Variants in KCNQ3 observed in about 807,000 individuals in gnomAD.
KCNQ3 encodes the protein potassium voltage-gated channel subfamily Q member 3.
A neutral mutation model predicts 92.5 loss-of-function variants in KCNQ3; 30 were observed. The observed-to-expected ratio is 0.32, with a 90% CI of 0.24 to 0.44. The LOEUF (loss-of-function observed/expected upper bound fraction) is 0.44, where lower values mean the gene tolerates loss of function less well. KCNQ3 is among the 20% of genes least tolerant of loss of function. The pLI is 1.00. For missense variants in KCNQ3, 913 were observed against 1,140.3 expected, an observed-to-expected ratio of 0.80 and a Z score of 2.87; for synonymous variants, 450 against 468.8, an observed-to-expected ratio of 0.96 and a Z score of 0.52.
At chr8:132,271,479 T>C (rs1194576195) in intron 1 of KCNQ3, among the ~76,000 whole-genome samples, 3 of 152,238 alleles carry the variant, frequency 2.0e-5, no homozygotes, top group East Asian at 1.9e-4. Flanking sequence ...CTTGTTTCCA[T>C]AGTAGCCTTG....
chr8:132,228,279 T>TTAAGCAAATG (rs1369919343), intron 1 of KCNQ3, among the ~76,000 whole-genome samples: 28 of 152,302 alleles, frequency 1.8e-4, no homozygotes, highest in African/African-American at 6.3e-4. Context: ...GACAAATGAA[T>TTAAGCAAATG]AATTGTATTA....
At chr8:132,337,815 A>C (rs530835185) in intron 1 of KCNQ3, among the ~76,000 whole-genome samples, 45 of 152,352 alleles carry the variant, frequency 3.0e-4, no homozygotes, top group African/African-American at 1.0e-3. Context: ...ATATTGCCCC[A>C]AAAACCTTTT....
intron 1 of KCNQ3, among the ~76,000 whole-genome samples, chr8:132,207,516 C>T (rs1338181591): frequency 6.6e-6 from 1 of 152,196 alleles, no homozygotes; most frequent in African/African-American, 2.4e-5. Flanking sequence ...CATTTACCTT[C>T]TCCACCTCCA....
Position 132,300,138 on chromosome 8 carries a change from A to G in KCNQ3, c.387-113957T>C, listed in dbSNP as rs577368539. Among the ~76,000 whole-genome samples, 9 of 152,370 alleles carry G rather than the reference A, an allele frequency of 5.9e-5. No individual in the cohort carries two copies. The South Asian group carries it at 1.9e-3, about 32-fold the overall frequency. On this transcript the variant is annotated intron_variant, in intron 1 of 14. Coordinates refer to ENST00000388996, the MANE Select transcript of KCNQ3 (RefSeq NM_004519.4). ...AGTCAATAAACTGAGGCCTACTGCA[A>G]TGACAGGTGAATTGAAAGAATGTGC...
intron 1 of KCNQ3, among the ~76,000 whole-genome samples, chr8:132,423,206 G>A (rs1821018749): frequency 6.6e-6 from 1 of 152,198 alleles, no homozygotes; most frequent in Non-Finnish European, 1.5e-5. Flanking sequence ...GGACACAGCA[G>A]CTTCCAAGAC....
intron 1 of KCNQ3, among the ~76,000 whole-genome samples, chr8:132,362,962 G>A (rs1344025418): frequency 6.6e-6 from 1 of 152,150 alleles, no homozygotes; most frequent in Non-Finnish European, 1.5e-5. Flanking sequence ...AGAGGCAAGA[G>A]GTAGTAAGTC....
rs1824653326 is a variant in KCNQ3, at chr8:132,126,051, A to G, written c.*3211T>C. The stretch of plus-strand genomic sequence containing the variant: ...TCTAATTCATTTTGATCTTGCTAAA[A>G]TATGACCTTTAAAATTTTTCATGTC... On this transcript the variant is annotated 3_prime_UTR_variant, in exon 15 of 15. Transcript: ENST00000388996. The G allele has an allele frequency of 6.6e-6, 1 of 152,220 alleles. No individual in the cohort carries two copies. Among genetic ancestry groups the G allele is most frequent in the East Asian group, 1.9e-4 (1 of 5,200 alleles). 9.4% of individuals were successfully genotyped at this position (152,220 alleles called of 1,614,324 possible).
chr8:132,325,273 A>G (rs949028743), intron 1 of KCNQ3, among the ~76,000 whole-genome samples: 1 of 152,098 alleles, frequency 6.6e-6, no homozygotes, highest in African/African-American at 2.4e-5. Flanking sequence ...GATGCAGGAG[A>G]GAGAAGTGTG....
chr8:132,156,533 C>A (rs765801231), intron 9 of KCNQ3, among the ~76,000 whole-genome samples: 2 of 152,064 alleles, frequency 1.3e-5, no homozygotes, highest in Non-Finnish European at 2.9e-5. Context: ...AATCTCAGCC[C>A]CTGTGTGAGT....
At position 132,140,092 on chromosome 8, in the gene KCNQ3, C is replaced by T. The variant is rs745463637; in HGVS notation, c.1552G>A (p.Ala518Thr). ...GGGCATTACCTGACGGCTCGGATGGCGGCCTTCAGGGTGGGGATCATGTCT... is the reference window on the plus strand; with the variant it reads ...GGGCATTACCTGACGGCTCGGATGGTGGCCTTCAGGGTGGGGATCATGTCT... ...IEDMIPTLKA[A>T]IRAVRILQFR... Residue 518 changes from alanine (A) to threonine (T), a missense_variant, in exon 11 of 15, where the codon GCC becomes ACC. By Grantham distance (58) the Ala-to-Thr change is moderately conservative. Transcript: ENST00000388996. 18 of 1,598,488 alleles carry T rather than the reference C, an allele frequency of 1.1e-5. No individual in the cohort carries two copies. Among genetic ancestry groups the T allele is most frequent in the South Asian group, 3.4e-5 (3 of 87,970 alleles).
At chr8:132,455,888 C>T (rs969418337) in intron 1 of KCNQ3, among the ~76,000 whole-genome samples, 2 of 151,954 alleles carry the variant, frequency 1.3e-5, no homozygotes, top group Admixed American at 6.6e-5. Context: ...ACTACAGGCA[C>T]CCACCACCAA....
At chr8:132,465,417 A>G (rs1822149349) in intron 1 of KCNQ3, among the ~76,000 whole-genome samples, 1 of 134,846 alleles carries the variant, frequency 7.4e-6, no homozygotes, top group Admixed American at 7.4e-5. Flanking sequence ...CCTCTACAAA[A>G]AACAATTTTA....
chr8:132,158,524 C>T (rs532129324), intron 9 of KCNQ3, among the ~76,000 whole-genome samples: 7 of 152,234 alleles, frequency 4.6e-5, no homozygotes, highest in East Asian at 1.9e-4. Flanking sequence ...GAGAACAGAA[C>T]GAGCAAAAGG....
chr8:132,323,827 G>A (rs1286906006), intron 1 of KCNQ3, among the ~76,000 whole-genome samples: 2 of 152,088 alleles, frequency 1.3e-5, no homozygotes, highest in African/African-American at 4.8e-5. Context: ...TCCTGCAGAA[G>A]TAGTCTTAAA....
intron 1 of KCNQ3, among the ~76,000 whole-genome samples, chr8:132,345,479 A>G (rs1170015164): frequency 6.6e-6 from 1 of 152,242 alleles, no homozygotes; most frequent in African/African-American, 2.4e-5. Flanking sequence ...CCATGATAGT[A>G]ACACCAGATC....
At chr8:132,414,224 G>T (rs549989014) in intron 1 of KCNQ3, among the ~76,000 whole-genome samples, 2 of 152,314 alleles carry the variant, frequency 1.3e-5, no homozygotes, top group South Asian at 4.1e-4. Flanking sequence ...AAGGTCACCA[G>T]CCCCTGGTCC....
At chr8:132,253,615 C>G (rs1008880261) in intron 1 of KCNQ3, among the ~76,000 whole-genome samples, 3 of 152,218 alleles carry the variant, frequency 2.0e-5, no homozygotes, top group Admixed American at 6.5e-5. Context: ...TGCATTTTCC[C>G]TCTGCTTCGT....
rs768877785 is a variant in KCNQ3 at position 132,132,273 on chromosome 8, A to C, written c.1800-9T>G. On this transcript the variant is annotated splice_polypyrimidine_tract_variant and intron_variant, in intron 13 of 14. Transcript: ENST00000388996. ...CTACATATGGTTCATTCCTAAGAAGAAGCGAACACTTCTATAAGATCATTA... is the reference window on the plus strand; with the variant it reads ...CTACATATGGTTCATTCCTAAGAAGCAGCGAACACTTCTATAAGATCATTA... 1.9e-6 allele frequency: 3 copies of C among 1,603,344 alleles called. No homozygotes were observed. The highest frequency in any genetic ancestry group is 1.1e-5 in the South Asian group (1 of 90,876).
At chr8:132,153,755 G>A (rs999998360) in intron 9 of KCNQ3, among the ~76,000 whole-genome samples, 1 of 152,164 alleles carries the variant, frequency 6.6e-6, no homozygotes, top group African/African-American at 2.4e-5. Context: ...ATTAACATGG[G>A]TGAAAGCCTC....
Sources: gnomAD v4.1 joint callset for allele counts (sites outside exome capture counted in the v4.1 genomes callset) on GRCh38, gnomAD v4.1.1 for gene constraint, MANE v1.5 for transcripts, NCBI Gene and HGNC (gene_info 2026-07-23, HGNC 2026-07-21) for gene names.